The following CDK19 variants were observed in gnomAD, a reference collection of about 807,000 sequenced individuals.
The protein encoded by CDK19 is cyclin dependent kinase 19, also known as cyclin-dependent kinase 19.
A neutral mutation model predicts 68.3 loss-of-function variants in CDK19; 20 were observed. That is an observed-to-expected ratio of 0.29 (90% CI 0.21 to 0.43). The LOEUF (loss-of-function observed/expected upper bound fraction) is 0.43, where lower values mean the gene tolerates loss of function less well. Ranked by LOEUF, CDK19 falls within the 20% of genes least tolerant of loss-of-function variation. The pLI is 1.00. For synonymous variants in CDK19, 221 were observed against 222.8 expected (o/e 0.99, Z 0.07); for missense variants, 339 against 623.5 (o/e 0.54, Z 4.86).
intron 6 of CDK19, among the ~76,000 whole-genome samples, chr6:110,631,370 C>T (rs1162690767): frequency 6.6e-6 from 1 of 152,166 alleles, no homozygotes; most frequent in Non-Finnish European, 1.5e-5. Context: ...ACAGCTGGGC[C>T]GTGTGAGGAT....
chr6:110,651,866 CA>C (rs1780993505), intron 4 of CDK19, among the ~76,000 whole-genome samples: 1 of 152,066 alleles, frequency 6.6e-6, no homozygotes, highest in Admixed American at 6.6e-5. Context: ...GTTTATTTAG[CA>C]TTTCTTAGCT....
intron 5 of CDK19, among the ~76,000 whole-genome samples, chr6:110,634,130 C>T (rs1222711609): frequency 6.6e-6 from 1 of 152,074 alleles, no homozygotes; most frequent in East Asian, 1.9e-4. Flanking sequence ...TAATGTGCTA[C>T]GGTATAACAT....
intron 1 of CDK19, among the ~76,000 whole-genome samples, chr6:110,811,418 T>A (rs1002110507): frequency 6.6e-6 from 1 of 152,156 alleles, no homozygotes; most frequent in Non-Finnish European, 1.5e-5. Flanking sequence ...CACGCTCGGC[T>A]AATTTTTGTA....
At chr6:110,641,646 A>AAAGAAAGG (rs60451345) in intron 4 of CDK19, among the ~76,000 whole-genome samples, 3,964 of 131,408 alleles carry the variant, frequency 0.03, 106 homozygotes, top group East Asian at 0.11. Flanking sequence ...AAAGGGAAAG[A>AAAGAAAGG]AAGGAAGGAA....
chr6:110,667,402 C>A, intron 4 of CDK19, 32 bp downstream of exon 4: 2 of 1,425,092 alleles, frequency 1.4e-6, no homozygotes, highest in Non-Finnish European at 1.9e-6. Flanking sequence ...TAGGGAAAAA[C>A]ATATTGATGA....
At chr6:110,714,702 T>G (rs1775228733) in intron 2 of CDK19, among the ~76,000 whole-genome samples, 1 of 150,834 alleles carries the variant, frequency 6.6e-6, no homozygotes, top group Non-Finnish European at 1.5e-5. Flanking sequence ...TCATATATCT[T>G]CTTTGGAAAA....
chr6:110,639,561 G>C (rs1380629188), intron 4 of CDK19, among the ~76,000 whole-genome samples: 4 of 152,166 alleles, frequency 2.6e-5, no homozygotes, highest in Non-Finnish European at 5.9e-5. Context: ...TACATAAGTA[G>C]AAAGAAAACT....
At chr6:110,771,735 A>G (rs1202745666) in intron 1 of CDK19, among the ~76,000 whole-genome samples, 1 of 152,192 alleles carries the variant, frequency 6.6e-6, no homozygotes, top group Non-Finnish European at 1.5e-5. Context: ...GAATGCCTTT[A>G]ACAACATCCA....
chr6:110,675,828 C>T (rs1327404955), intron 2 of CDK19, among the ~76,000 whole-genome samples: 5 of 152,092 alleles, frequency 3.3e-5, no homozygotes, highest in African/African-American at 1.2e-4. Flanking sequence ...CCTGGTCACC[C>T]AAAAGCTCTG....
chr6:110,648,565 G>C (rs1029422548), intron 4 of CDK19, among the ~76,000 whole-genome samples: 1 of 141,922 alleles, frequency 7.0e-6, no homozygotes, highest in Non-Finnish European at 1.5e-5. Flanking sequence ...TTTTGAGAAG[G>C]AGTCTCGCTC....
chr6:110,750,672 T>G (rs1292684753), intron 1 of CDK19, among the ~76,000 whole-genome samples: 1 of 152,134 alleles, frequency 6.6e-6, no homozygotes, highest in Non-Finnish European at 1.5e-5. Context: ...CTGAAGATAT[T>G]TATTTACTAA....
chr6:110,745,814 A>T (rs1056015632), intron 2 of CDK19, among the ~76,000 whole-genome samples: 2 of 152,106 alleles, frequency 1.3e-5, no homozygotes, highest in Non-Finnish European at 2.9e-5. Context: ...AAAAAAATTA[A>T]AAAATTAGCC....
At chr6:110,744,018 T>TG (rs1157061178) in intron 2 of CDK19, among the ~76,000 whole-genome samples, 6 of 148,072 alleles carry the variant, frequency 4.1e-5, no homozygotes, top group African/African-American at 1.5e-4. Flanking sequence ...CACGTTTTTT[T>TG]TTTTTTTTTT....
At chr6:110,756,805 G>T (rs1164187722) in intron 1 of CDK19, among the ~76,000 whole-genome samples, 2 of 152,056 alleles carry the variant, frequency 1.3e-5, no homozygotes, top group Admixed American at 6.6e-5. Context: ...TTACAAAAAA[G>T]AAAAAATAAT....
chr6:110,670,273 C>T (rs1051529418), intron 3 of CDK19, among the ~76,000 whole-genome samples, 158 bp downstream of exon 3: 1 of 151,900 alleles, frequency 6.6e-6, no homozygotes, highest in Non-Finnish European at 1.5e-5. Context: ...GAGTTTATTG[C>T]TTAAATTCTT....
chr6:110,778,299 C>T (rs1780556202), intron 1 of CDK19, among the ~76,000 whole-genome samples: 1 of 152,150 alleles, frequency 6.6e-6, no homozygotes, highest in Non-Finnish European at 1.5e-5. Context: ...AATCATACTA[C>T]ACACTTTTTT....
chr6:110,773,000 G>A lies in CDK19; in HGVS notation c.129-26799C>T, dbSNP rs113678072. The stretch of plus-strand genomic sequence containing the variant: ...GGAGGCTAAGGCGGGCAGATCGCTT[G>A]AGCCCAGGGGCTCAAGGCCAGCCTG... On this transcript the variant is annotated intron_variant, in intron 1 of 12. Coordinates refer to ENST00000368911, the MANE Select transcript of CDK19 (RefSeq NM_015076.5). Among the ~76,000 whole-genome samples, 1,326 of 150,628 alleles carry A rather than the reference G, an allele frequency of 8.8e-3. 20 individuals are homozygous for A. The highest frequency in any genetic ancestry group is 0.031 in the African/African-American group (1,266 of 40,988).
At chr6:110,637,726 T>C (rs1779872353) in intron 5 of CDK19, among the ~76,000 whole-genome samples, 1 of 152,246 alleles carries the variant, frequency 6.6e-6, no homozygotes, top group African/African-American at 2.4e-5. Flanking sequence ...ATGCCTGTAA[T>C]CCCAGCACTT....
At chr6:110,731,952 A>T (rs897783596) in intron 2 of CDK19, among the ~76,000 whole-genome samples, 2 of 152,194 alleles carry the variant, frequency 1.3e-5, no homozygotes, top group African/African-American at 4.8e-5. Context: ...GAAAGGTGAT[A>T]GTACTATTAT....
Sources: allele counts gnomAD v4.1 joint callset (sites outside exome capture counted in the v4.1 genomes callset), GRCh38; gene constraint gnomAD v4.1.1; transcripts MANE v1.5; gene names NCBI Gene and HGNC (gene_info 2026-07-23, HGNC 2026-07-21).